The following CHRM2 variants were observed in gnomAD, a reference collection of about 807,000 sequenced individuals.
The protein encoded by CHRM2 is cholinergic receptor muscarinic 2.
Under a neutral mutation model 25.0 loss-of-function variants are expected in CHRM2, and 8 were observed. The observed-to-expected ratio is 0.32, with a 90% confidence interval of 0.19 to 0.58. CHRM2 has a LOEUF of 0.58. Among genes scored for constraint, CHRM2 ranks in the 20% least tolerant of loss-of-function variants. The pLI is 0.88. For missense variants in CHRM2, 440 were observed against 567.1 expected (o/e 0.78, Z 2.28); for synonymous variants, 202 against 205.7 (o/e 0.98, Z 0.15).
intron 2 of CHRM2, among the ~76,000 whole-genome samples, chr7:136,989,396 A>G (rs1266194225): frequency 2.0e-5 from 3 of 152,176 alleles, no homozygotes; most frequent in East Asian, 1.9e-4. Flanking sequence ...AATTTATCTT[A>G]GTATGATGCA....
intron 2 of CHRM2, among the ~76,000 whole-genome samples, chr7:136,943,643 G>A (rs1209666722): frequency 6.6e-6 from 1 of 151,922 alleles, no homozygotes; most frequent in Non-Finnish European, 1.5e-5. Context: ...TTCTGGGAAC[G>A]GTTTAGGAAA....
chr7:136,961,043 T>C (rs1312484872), intron 2 of CHRM2, among the ~76,000 whole-genome samples: 1 of 152,070 alleles, frequency 6.6e-6, no homozygotes, highest in Non-Finnish European at 1.5e-5. Context: ...GAGAACTGCA[T>C]GAACCCAGAA....
intron 2 of CHRM2, among the ~76,000 whole-genome samples, chr7:136,951,608 A>T (rs973431462): frequency 1.3e-5 from 2 of 152,148 alleles, no homozygotes; most frequent in Non-Finnish European, 2.9e-5. Context: ...ATGAAAAGGG[A>T]TGATTCGCTG....
At chr7:136,873,988 T>G (rs1166245132) in intron 2 of CHRM2, among the ~76,000 whole-genome samples, 1 of 152,204 alleles carries the variant, frequency 6.6e-6, no homozygotes, top group African/African-American at 2.4e-5. Context: ...TTTTGTCTGA[T>G]GCATAGTAAT....
At chr7:136,962,751 A>G (rs1378669041) in intron 2 of CHRM2, among the ~76,000 whole-genome samples, 2 of 152,206 alleles carry the variant, frequency 1.3e-5, no homozygotes, top group Non-Finnish European at 2.9e-5. Context: ...GTCCTTGTTA[A>G]AAGAGCCAGA....
intron 2 of CHRM2, among the ~76,000 whole-genome samples, chr7:136,931,477 T>C (rs1249856449): frequency 6.6e-6 from 1 of 152,216 alleles, no homozygotes; most frequent in Non-Finnish European, 1.5e-5. Context: ...CTTTGGGTAC[T>C]GAGGAAGCCA....
intron 3 of CHRM2, among the ~76,000 whole-genome samples, chr7:137,010,342 A>G (rs891968489): frequency 1.3e-5 from 2 of 152,100 alleles, no homozygotes; most frequent in African/African-American, 4.8e-5. Context: ...CCTTAGTCAT[A>G]AACTAGGCAG....
intron 2 of CHRM2, among the ~76,000 whole-genome samples, chr7:136,943,663 G>C (rs1466908037): frequency 6.6e-6 from 1 of 151,668 alleles, no homozygotes. Context: ...AAGAGTAAAA[G>C]AACTTCTTCC....
chr7:136,912,027 T>C (rs1047227395), intron 2 of CHRM2, among the ~76,000 whole-genome samples: 6 of 151,972 alleles, frequency 3.9e-5, no homozygotes, highest in African/African-American at 1.4e-4. Flanking sequence ...ATTTTCTTTA[T>C]AACAATTTTT....
chr7:136,983,655 T>C (rs1196311960), intron 2 of CHRM2, among the ~76,000 whole-genome samples: 1 of 152,200 alleles, frequency 6.6e-6, no homozygotes, highest in Non-Finnish European at 1.5e-5. Flanking sequence ...ATGCTACTGC[T>C]TTCTCTTCGT....
chr7:136,924,467 T>C (rs553831729), intron 2 of CHRM2, among the ~76,000 whole-genome samples: 5 of 151,500 alleles, frequency 3.3e-5, no homozygotes, highest in African/African-American at 1.2e-4. Flanking sequence ...CGTTGTTTGG[T>C]TTTTTGTCTT....
intron 2 of CHRM2, among the ~76,000 whole-genome samples, chr7:136,983,544 A>C (rs1802631083): frequency 1.3e-5 from 2 of 152,048 alleles, no homozygotes; most frequent in Admixed American, 6.6e-5. Flanking sequence ...GCCTTTTTGC[A>C]CTGGTTTTTC....
At chr7:136,938,518 C>T (rs886906433) in intron 2 of CHRM2, 1 of 989,420 alleles carries the variant, frequency 1.0e-6, no homozygotes, top group Non-Finnish European at 1.6e-6. Flanking sequence ...GCTCAGCAGG[C>T]TCTGGTTGAT....
At chr7:136,953,349 C>T in intron 2 of CHRM2, among the ~76,000 whole-genome samples, 1 of 152,112 alleles carries the variant, frequency 6.6e-6, no homozygotes, top group Middle Eastern at 3.4e-3. Context: ...CTTCAGAGAC[C>T]TCAGTAGAGT....
intron 2 of CHRM2, among the ~76,000 whole-genome samples, chr7:136,890,260 G>A (rs1440580647): frequency 6.6e-6 from 1 of 152,114 alleles, no homozygotes; most frequent in Non-Finnish European, 1.5e-5. Context: ...AAAGGCGTGG[G>A]CACATGGACT....
intron 2 of CHRM2, among the ~76,000 whole-genome samples, chr7:136,873,528 A>G (rs1795924779): frequency 6.6e-6 from 1 of 152,112 alleles, no homozygotes; most frequent in Non-Finnish European, 1.5e-5. Flanking sequence ...CTTTGCAACA[A>G]TCCTATGTAG....
chr7:137,008,433 T>C (rs1047113470), intron 3 of CHRM2, among the ~76,000 whole-genome samples: 2 of 152,118 alleles, frequency 1.3e-5, no homozygotes, highest in African/African-American at 4.8e-5. Context: ...CTATGGTGTT[T>C]AGCCCTCATA....
intron 2 of CHRM2, among the ~76,000 whole-genome samples, chr7:136,953,552 A>C (rs1390450045): frequency 1.3e-5 from 2 of 152,132 alleles, no homozygotes; most frequent in Non-Finnish European, 2.9e-5. Context: ...CCACATGCCA[A>C]ATTACTCATT....
chr7:137,003,394 T>A (rs1804183137), intron 3 of CHRM2, among the ~76,000 whole-genome samples: 1 of 151,966 alleles, frequency 6.6e-6, no homozygotes, highest in Non-Finnish European at 1.5e-5. Context: ...AGAGACATTC[T>A]TTCTTTCTTT....
Sources: allele counts gnomAD v4.1 joint callset (sites outside exome capture counted in the v4.1 genomes callset), GRCh38; gene constraint gnomAD v4.1.1; transcripts MANE v1.5; gene names NCBI Gene and HGNC (gene_info 2026-07-23, HGNC 2026-07-21).